GALNT13: variants seen among roughly 807,000 people sequenced by gnomAD.
GALNT13 encodes the protein UDP-GalNAc:polypeptide N-acetylgalactosaminyltransferase 13.
GALNT13 carries 28 observed loss-of-function variants against 64.2 expected under a neutral mutation model. The observed-to-expected ratio is 0.44, with a 90% CI of 0.32 to 0.60. GALNT13 has a LOEUF of 0.60. Among genes scored for constraint, GALNT13 ranks in the 20% least tolerant of loss-of-function variants. GALNT13 has a pLI of 0.05. For missense variants in GALNT13, 577 were observed against 669.8 expected (o/e 0.86, Z 1.53); for synonymous variants, 214 against 224.6 (o/e 0.95, Z 0.42).
the GALNT13 span, among the ~76,000 whole-genome samples, chr2:153,459,447 A>G: frequency 2.6e-5 from 4 of 152,128 alleles, no homozygotes; most frequent in African/African-American, 7.2e-5. Context: ...CCGCCTCTCA[A>G]CAACAACAAT....
At chr2:153,771,833 G>T in the GALNT13 span, among the ~76,000 whole-genome samples, 1 of 152,184 alleles carries the variant, frequency 6.6e-6, no homozygotes, top group Non-Finnish European at 1.5e-5. Flanking sequence ...ATATGCCTGG[G>T]TGTGAGGTGG....
chr2:153,471,455 A>G, the GALNT13 span, among the ~76,000 whole-genome samples: 2 of 152,196 alleles, frequency 1.3e-5, no homozygotes, highest in South Asian at 2.1e-4. Context: ...TAGAGAAGGA[A>G]TTTACAACCT....
chr2:153,969,533 T>C (rs1343241093), intron 3 of GALNT13, among the ~76,000 whole-genome samples: 1 of 152,088 alleles, frequency 6.6e-6, no homozygotes, highest in Non-Finnish European at 1.5e-5. Flanking sequence ...TTATTTTTTA[T>C]ATTTATAATA....
intron 4 of GALNT13, among the ~76,000 whole-genome samples, chr2:154,157,435 A>G (rs2105651794): frequency 6.6e-6 from 1 of 151,944 alleles, no homozygotes; most frequent in East Asian, 1.9e-4. Context: ...CTGGATTTAA[A>G]CTCCTGGGCT....
At chr2:153,475,309 G>C in the GALNT13 span, among the ~76,000 whole-genome samples, 33 of 152,276 alleles carry the variant, frequency 2.2e-4, no homozygotes, top group South Asian at 2.3e-3. Context: ...TCCCTGTAGT[G>C]CATAGATCAT....
intron 3 of GALNT13, among the ~76,000 whole-genome samples, chr2:154,094,216 G>C: frequency 6.6e-6 from 1 of 151,894 alleles, no homozygotes; most frequent in African/African-American, 2.4e-5. Flanking sequence ...TAGGCCACTA[G>C]GCAGTTTCCA....
At chr2:154,337,970 A>T (rs1695548279) in intron 9 of GALNT13, among the ~76,000 whole-genome samples, 1 of 152,100 alleles carries the variant, frequency 6.6e-6, no homozygotes, top group African/African-American at 2.4e-5. Context: ...GCAGCAAGTT[A>T]TCTCAGTAGT....
chr2:154,168,366 A>G (rs1044814195), intron 4 of GALNT13, among the ~76,000 whole-genome samples: 1 of 152,090 alleles, frequency 6.6e-6, no homozygotes, highest in African/African-American at 2.4e-5. Flanking sequence ...CCCTCAACTT[A>G]TTGGATGAGA....
chr2:153,095,615 T>C, the GALNT13 span, among the ~76,000 whole-genome samples: 1 of 152,098 alleles, frequency 6.6e-6, no homozygotes, highest in Non-Finnish European at 1.5e-5. Context: ...CTATTCACAA[T>C]AGCAAAGACT....
chr2:153,252,735 T>C, the GALNT13 span, among the ~76,000 whole-genome samples: 1 of 152,228 alleles, frequency 6.6e-6, no homozygotes, highest in East Asian at 1.9e-4. Context: ...GGGAATCCTT[T>C]CCCCACTTCT....
At chr2:153,422,535 G>C in the GALNT13 span, among the ~76,000 whole-genome samples, 1 of 152,088 alleles carries the variant, frequency 6.6e-6, no homozygotes, top group South Asian at 2.1e-4. Flanking sequence ...GTAAATCTTA[G>C]GCTAAGTGCT....
At chr2:153,635,402 A>ATATATATATATACACATATATATG in the GALNT13 span, among the ~76,000 whole-genome samples, 15,720 of 110,194 alleles carry the variant, frequency 0.14, 1,720 homozygotes, top group Non-Finnish European at 0.2. Context: ...AAATATGTAT[A>ATATATATATATACACATATATATG]TATATATATA....
At chr2:154,439,905 C>T (rs1306430937) in intron 12 of GALNT13, among the ~76,000 whole-genome samples, 3 of 152,102 alleles carry the variant, frequency 2.0e-5, no homozygotes, top group Admixed American at 6.6e-5. Context: ...GATTAAGATG[C>T]TACTGCCTTC....
At chr2:153,996,857 AG>A (rs1321133396) in intron 3 of GALNT13, among the ~76,000 whole-genome samples, 2 of 152,106 alleles carry the variant, frequency 1.3e-5, no homozygotes, top group Non-Finnish European at 1.5e-5. Context: ...TATGTGAGAT[AG>A]GGTCCAATTT....
the GALNT13 span, among the ~76,000 whole-genome samples, chr2:153,554,335 A>G: frequency 6.6e-6 from 1 of 151,480 alleles, no homozygotes; most frequent in Non-Finnish European, 1.5e-5. Context: ...CTCTGTGTCA[A>G]AAACAAAAAA....
At chr2:154,057,534 A>T (rs1339947887) in intron 3 of GALNT13, among the ~76,000 whole-genome samples, 1 of 152,210 alleles carries the variant, frequency 6.6e-6, no homozygotes, top group Non-Finnish European at 1.5e-5. Context: ...GGAAAATTTC[A>T]TAATCGATTG....
the GALNT13 span, among the ~76,000 whole-genome samples, chr2:153,492,327 G>A: frequency 6.6e-6 from 1 of 152,192 alleles, no homozygotes; most frequent in South Asian, 2.1e-4. Flanking sequence ...ATCTGCAAAG[G>A]AGGAAGCAGA....
chr2:153,746,889 C>T, the GALNT13 span, among the ~76,000 whole-genome samples: 1 of 152,002 alleles, frequency 6.6e-6, no homozygotes, highest in Admixed American at 6.6e-5. Context: ...GATATAATTT[C>T]TGTAAAAAAT....
the GALNT13 span, among the ~76,000 whole-genome samples, chr2:153,391,711 C>T: frequency 6.6e-6 from 1 of 151,872 alleles, no homozygotes; most frequent in Non-Finnish European, 1.5e-5. Flanking sequence ...GTGACTCCCA[C>T]CAGTAAGAAA....
Sources: allele counts gnomAD v4.1 joint callset (sites outside exome capture counted in the v4.1 genomes callset), GRCh38; gene constraint gnomAD v4.1.1; transcripts MANE v1.5; gene names NCBI Gene and HGNC (gene_info 2026-07-23, HGNC 2026-07-21).